Variants in EVC2 observed in about 807,000 individuals in gnomAD.
EVC2 encodes limbin.
EVC2 carries 148 observed loss-of-function variants against 149.3 expected under a neutral mutation model. The observed-to-expected ratio is 0.99, with a 90% confidence interval of 0.87 to 1.14. The LOEUF (loss-of-function observed/expected upper bound fraction) is 1.14. Ranked by LOEUF, EVC2 falls within the 50% of genes most tolerant of loss-of-function variation. The pLI is 0.00. For missense variants in EVC2, 1,854 were observed against 1,627.3 expected, an observed-to-expected ratio of 1.14 and a Z score of -2.40; for synonymous variants, 776 against 649.9, an observed-to-expected ratio of 1.19 and a Z score of -2.95.
At chr4:5,627,339 T>C (rs1264543418) in intron 12 of EVC2, among the ~76,000 whole-genome samples, 2 of 152,224 alleles carry the variant, frequency 1.3e-5, no homozygotes, top group African/African-American at 4.8e-5. Flanking sequence ...AACCAGCTGG[T>C]GGGCCCTTCA....
At chr4:5,580,471 A>G (rs554852482) in intron 17 of EVC2, among the ~76,000 whole-genome samples, 26 of 152,340 alleles carry the variant, frequency 1.7e-4, no homozygotes, top group African/African-American at 5.5e-4. Context: ...TACTAATAGA[A>G]ATCAGTGTGG....
At chr4:5,581,862 A>G (rs996242191) in intron 17 of EVC2, among the ~76,000 whole-genome samples, 2 of 152,190 alleles carry the variant, frequency 1.3e-5, no homozygotes, top group Non-Finnish European at 2.9e-5. Flanking sequence ...CCCTGCATCC[A>G]GCCTCAGCTC....
In EVC2 at chr4:5,631,793, C is replaced by G. The variant is rs772429683; in HGVS notation, c.1710G>C (p.Gln570His). 1 of 1,613,910 alleles carries G rather than the reference C, an allele frequency of 6.2e-7. No individual in the cohort carries two copies. The highest frequency in any genetic ancestry group is 8.5e-7 in the Non-Finnish European group (1 of 1,179,808). The change falls in exon 11 of 22, where the codon CAG (glutamine) becomes CAC (histidine). Residue 570 changes from glutamine (Q) to histidine (H), a missense_variant and splice_region_variant. Physicochemically the swap from Gln to His is conservative, Grantham distance 24. Transcript: ENST00000344408. ...KMLLQNYSKI[Q>H]ENVEELMDFF... ...CATCACAGCGAGGCTGATGTATTAC[C>G]TGTATTTTAGAATAATTTTGCAGCA...
In EVC2 at chr4:5,640,502, G is replaced by C. The variant is rs1717243211; in HGVS notation, c.1470+12C>G. 1 of 1,613,896 alleles carries C rather than the reference G, an allele frequency of 6.2e-7. No individual in the cohort carries two copies. Among genetic ancestry groups the C allele is most frequent in the Admixed American group, 1.7e-5 (1 of 60,002 alleles). On this transcript the variant is annotated intron_variant, in intron 10 of 21. Transcript: ENST00000344408. This position sits in a 1 kb window ranked among gnomAD's most constrained non-coding sequence, Gnocchi z 4.6. ...AAGGGAAGTGAACGCCTTCCTTTCA[G>C]ACCTGTCTTACCCTCTCACCAGCAC... is the stretch of plus-strand genomic sequence containing the variant.
intron 18 of EVC2, 127 bp from the exon 19 acceptor site, chr4:5,574,899 A>G (rs181505911): frequency 5.1e-6 from 5 of 983,276 alleles, no homozygotes; most frequent in Non-Finnish European, 7.8e-6. Flanking sequence ...ATGTCCATAG[A>G]AAGAGATGGC....
In EVC2 at chr4:5,568,558, G is replaced by C. The variant is rs1444386098; in HGVS notation, c.3443C>G (p.Pro1148Arg). The C allele has an allele frequency of 2.5e-6, 4 of 1,605,388 alleles. No individual in the cohort carries two copies. In the African/African-American group the frequency reaches 4.0e-5, roughly 16 times the overall value. Residue 1148 changes from proline to arginine, a missense_variant, in exon 20 of 22, where the codon CCC (proline) becomes CGC (arginine). Physicochemically the swap from Pro to Arg is moderately radical, Grantham distance 103. Coordinates refer to ENST00000344408, the MANE Select transcript of EVC2 (RefSeq NM_147127.5). The part of the protein sequence containing the change: ...TLRRLLSVVL[P>R]TASQPQLLAL... Reference sequence around the variant, plus strand: ...CAGCAGCTGAGGCTGTGAGGCTGTGGGCAGTACCACACTCAGGAGCCGGCG... The same window carrying C: ...CAGCAGCTGAGGCTGTGAGGCTGTGCGCAGTACCACACTCAGGAGCCGGCG...
chr4:5,690,451 G>A (rs1429923133), intron 4 of EVC2, among the ~76,000 whole-genome samples: 1 of 150,110 alleles, frequency 6.7e-6, no homozygotes, highest in Non-Finnish European at 1.5e-5. Context: ...GACCTCACCA[G>A]ATAGCTGATG....
intron 7 of EVC2, 103 bp downstream of exon 7, chr4:5,681,157 A>G (rs2151723917): frequency 7.5e-7 from 1 of 1,340,880 alleles, no homozygotes; most frequent in Non-Finnish European, 1.1e-6. Context: ...TAACTGGGGG[A>G]CCAAGGCCAG....
chr4:5,708,340 G>C lies in EVC2; in HGVS notation c.174C>G (p.Pro58=), dbSNP rs1317163956. 7 of 1,475,086 alleles carry C rather than the reference G, an allele frequency of 4.7e-6. No homozygotes were observed. Among genetic ancestry groups the C allele is most frequent in the Non-Finnish European group, 6.3e-6 (7 of 1,118,950 alleles). The allele number at this position is 1,475,086 out of a possible 1,614,324, so 91.4% of individuals were successfully genotyped here. The change falls in exon 1 of 22, where the codon CCC becomes CCG. Residue 58 remains proline (P), a synonymous_variant. Coordinates refer to ENST00000344408, the MANE Select transcript of EVC2 (RefSeq NM_147127.5). ...RDPQVAPRSG[P]GLRIPPGRSG... ...TCCGCCCCGGAGGGATCCTCAGGCCGGGCCCAGACCTAGGAGCCACCTGGG... is the reference window on the plus strand; with the variant it reads ...TCCGCCCCGGAGGGATCCTCAGGCCCGGCCCAGACCTAGGAGCCACCTGGG...
downstream of EVC2, among the ~76,000 whole-genome samples, chr4:5,540,211 A>C (rs116465256): frequency 1.3e-5 from 2 of 152,242 alleles, no homozygotes; most frequent in African/African-American, 4.8e-5. Flanking sequence ...TGGAGGAACC[A>C]GAACTCCCCT....
At chr4:5,694,678 T>G (rs938726621) in intron 2 of EVC2, among the ~76,000 whole-genome samples, 177 bp from the exon 3 acceptor site, 3 of 152,152 alleles carry the variant, frequency 2.0e-5, no homozygotes, top group African/African-American at 7.2e-5. Context: ...TGAGACATGC[T>G]CACTGGGATG....
At chr4:5,708,671 G>T (rs1205419595), upstream of EVC2, 1 of 528,120 alleles carries the variant, frequency 1.9e-6, no homozygotes, top group Admixed American at 4.4e-5. Flanking sequence ...CGGGCCAGGA[G>T]GTGCCGGACG....
chr4:5,671,877 A>C (rs757010035), intron 7 of EVC2, among the ~76,000 whole-genome samples: 2 of 152,188 alleles, frequency 1.3e-5, no homozygotes, highest in Non-Finnish European at 2.9e-5. Context: ...GGTTTGCTAT[A>C]ATTTGTTTGC....
rs569417729 is a variant in EVC2, at chr4:5,613,637, A to G, written c.2829+1785T>C. Among the ~76,000 whole-genome samples, 68 of 151,960 alleles carry G rather than the reference A, an allele frequency of 4.5e-4. 1 individual carries two copies. Among genetic ancestry groups the G allele is most frequent in the African/African-American group, 1.6e-3 (67 of 41,332 alleles). On this transcript the variant is annotated intron_variant, in intron 16 of 21. Transcript: ENST00000344408. This position sits in a 1 kb window ranked among gnomAD's most constrained non-coding sequence, Gnocchi z 4.6. ...CCCTAGGGGTAGGCTGCCCCCCACA[A>G]GGAACCCCCTAGTGACACTGTGATT... is the stretch of plus-strand genomic sequence containing the variant.
rs535785829 is a variant in EVC2 at position 5,565,583 on chromosome 4, G to A, written c.3558-224C>T. On this transcript the variant is annotated intron_variant, in intron 20 of 21. Coordinates refer to ENST00000344408, the MANE Select transcript of EVC2 (RefSeq NM_147127.5). ...GCTACTCCGGAGGCTGAGGCAGAAA[G>A]AATCGCTTGAACCCAGGAGGCGGAG... 1.3e-3 allele frequency among the ~76,000 whole-genome samples: 203 copies of A among 150,534 alleles called. 1 individual carries two copies. The highest frequency in any genetic ancestry group is 2.4e-3 in the Non-Finnish European group (166 of 67,846).
At chr4:5,571,541 C>G (rs1463433814) in intron 19 of EVC2, among the ~76,000 whole-genome samples, 3 of 152,024 alleles carry the variant, frequency 2.0e-5, no homozygotes, top group African/African-American at 7.2e-5. Flanking sequence ...CCCAGAGTGG[C>G]CAGTGGACAG....
intron 7 of EVC2, among the ~76,000 whole-genome samples, chr4:5,671,605 G>A (rs565487894): frequency 1.2e-4 from 19 of 152,274 alleles, no homozygotes; most frequent in Middle Eastern, 3.4e-3. Context: ...TCCACCTCCT[G>A]GGTTCAAGCG....
chr4:5,625,722 G>C lies in EVC2; in HGVS notation c.2046+27C>G, dbSNP rs375176232. ...GGGTATCAGAAAGTGCCTATGCAAA[G>C]AATAAATAGCATCATGCCTTATATA... On this transcript the variant is annotated intron_variant, in intron 13 of 21. Transcript: ENST00000344408. The surrounding 1 kb of genome is among the most constrained non-coding windows in gnomAD (Gnocchi z 4.0). The C allele has an allele frequency of 1.9e-6, 3 of 1,613,928 alleles. No homozygotes were observed. In the Admixed American group the frequency reaches 5.0e-5, roughly 27 times the overall value.
chr4:5,603,686 ACAT>A (rs1714171833), intron 16 of EVC2, among the ~76,000 whole-genome samples: 1 of 152,206 alleles, frequency 6.6e-6, no homozygotes, highest in South Asian at 2.1e-4. Context: ...CATGCACGAC[ACAT>A]CATGAAATCT....
Sources: gnomAD v4.1 joint callset for allele counts (sites outside exome capture counted in the v4.1 genomes callset) on GRCh38, gnomAD v4.1.1 for gene constraint, Gnocchi (gnomAD v3.1) non-coding constraint, MANE v1.5 for transcripts, NCBI Gene and HGNC (gene_info 2026-07-23, HGNC 2026-07-21) for gene names.